The following MDGA2 variants were observed in gnomAD, a reference collection of about 807,000 sequenced individuals.
The protein encoded by MDGA2 is MAM domain containing glycosylphosphatidylinositol anchor 2, also known as MAM domain-containing glycosylphosphatidylinositol anchor protein 2.
A neutral mutation model predicts 117.8 loss-of-function variants in MDGA2; 40 were observed. That is an observed-to-expected ratio of 0.34 (90% CI 0.26 to 0.44). MDGA2 has a LOEUF of 0.44. MDGA2 is among the 20% of genes least tolerant of loss of function. The pLI, the probability that MDGA2 is intolerant of heterozygous loss-of-function variation, is 1.00. For synonymous variants in MDGA2, 452 were observed against 439.0 expected, an observed-to-expected ratio of 1.03 and a Z score of -0.37; for missense variants, 1,123 against 1,250.6, an observed-to-expected ratio of 0.90 and a Z score of 1.54.
At chr14:47,378,243 C>G (rs952421148) in intron 1 of MDGA2, among the ~76,000 whole-genome samples, 2 of 152,132 alleles carry the variant, frequency 1.3e-5, no homozygotes, top group Admixed American at 1.3e-4. Flanking sequence ...GTAGATAAAA[C>G]CACAAAGATG....
intron 8 of MDGA2, among the ~76,000 whole-genome samples, chr14:47,002,507 C>T (rs1482002221): frequency 6.6e-6 from 1 of 151,996 alleles, no homozygotes. Context: ...GTGGGTGGAT[C>T]ACCTGAGGTC....
At chr14:47,637,072 TG>T (rs1168349013) in intron 1 of MDGA2, among the ~76,000 whole-genome samples, 1 of 152,196 alleles carries the variant, frequency 6.6e-6, no homozygotes, top group Non-Finnish European at 1.5e-5. Context: ...ATAATAAATA[TG>T]TACACCCCTT....
At chr14:47,256,786 C>A (rs1232845723) in intron 2 of MDGA2, among the ~76,000 whole-genome samples, 1 of 136,338 alleles carries the variant, frequency 7.3e-6, no homozygotes, top group African/African-American at 2.8e-5. Flanking sequence ...AAAATTAGAG[C>A]CAGAAAGAAA....
intron 1 of MDGA2, among the ~76,000 whole-genome samples, chr14:47,525,879 C>G (rs1894963898): frequency 6.6e-6 from 1 of 151,846 alleles, no homozygotes; most frequent in South Asian, 2.1e-4. Context: ...GATTCTGTCC[C>G]ATTCTCTTGC....
chr14:46,900,657 A>G (rs1883249569), intron 10 of MDGA2, among the ~76,000 whole-genome samples: 1 of 152,196 alleles, frequency 6.6e-6, no homozygotes, highest in Non-Finnish European at 1.5e-5. Flanking sequence ...GTGAAATAAT[A>G]TAATTATAGG....
intron 1 of MDGA2, among the ~76,000 whole-genome samples, chr14:47,359,783 A>G (rs946486624): frequency 2.0e-5 from 3 of 151,228 alleles, no homozygotes; most frequent in African/African-American, 7.3e-5. Context: ...AAAAAAAAAC[A>G]TGATGAAAGA....
In MDGA2 at chr14:47,027,627, T is replaced by TTATATATA. The variant is rs145057227; in HGVS notation, c.1819+7376_1819+7383dup. On this transcript the variant is annotated intron_variant, in intron 8 of 16. Coordinates refer to ENST00000399232, the MANE Select transcript of MDGA2 (RefSeq NM_001113498.3). ...TTGCTCTATCTGAAGATATTATATA[T>TTATATATA]TATATATATATATATATGCAATGCA... Among the ~76,000 whole-genome samples the TTATATATA allele has an allele frequency of 6.6e-3, 970 of 145,938 alleles. 12 individuals are homozygous for TTATATATA. The highest frequency in any genetic ancestry group is 0.023 in the African/African-American group (918 of 40,156).
At chr14:47,110,142 TA>T (rs1387444318) in intron 5 of MDGA2, among the ~76,000 whole-genome samples, 10 of 147,286 alleles carry the variant, frequency 6.8e-5, no homozygotes. Context: ...AGCATTTATC[TA>T]TCAAAATGTA....
intron 9 of MDGA2, among the ~76,000 whole-genome samples, chr14:46,948,014 A>C (rs1308647970): frequency 6.6e-6 from 1 of 151,900 alleles, no homozygotes; most frequent in African/African-American, 2.4e-5. Context: ...CATCTTTCAA[A>C]CTACTTATGC....
chr14:47,089,117 G>A (rs1891015230), intron 6 of MDGA2, among the ~76,000 whole-genome samples: 1 of 151,922 alleles, frequency 6.6e-6, no homozygotes, highest in Non-Finnish European at 1.5e-5. Context: ...TAAAAAGAAG[G>A]GATTCCGAAT....
intron 9 of MDGA2, among the ~76,000 whole-genome samples, chr14:46,925,889 G>A (rs975734258): frequency 1.3e-5 from 2 of 152,082 alleles, no homozygotes; most frequent in African/African-American, 4.8e-5. Flanking sequence ...AATAAAGCAT[G>A]TCCTTAGGTG....
rs1165757386 is a variant in MDGA2, at chr14:47,175,340, C to T, written c.596-31066G>A. 1.5e-4 allele frequency among the ~76,000 whole-genome samples: 22 copies of T among 151,592 alleles called. 1 individual carries two copies. In the East Asian group the frequency reaches 4.3e-3, roughly 29 times the overall value. ...CTGATACCAAAGCCGGGCAGAGACA[C>T]AACCAAAAAAGAGAATTTTAGACCA... On this transcript the variant is annotated intron_variant, in intron 3 of 16. Coordinates refer to ENST00000399232, the MANE Select transcript of MDGA2 (RefSeq NM_001113498.3).
intron 1 of MDGA2, among the ~76,000 whole-genome samples, chr14:47,332,573 A>G (rs1890324327): frequency 6.6e-6 from 1 of 151,978 alleles, no homozygotes. Flanking sequence ...ATTCAAAACT[A>G]AACACTAAGT....
At chr14:47,540,415 CCTG>C (rs1355022083) in intron 1 of MDGA2, among the ~76,000 whole-genome samples, 3 of 151,828 alleles carry the variant, frequency 2.0e-5, no homozygotes, top group Admixed American at 6.6e-5. Context: ...TGTCCCCTTT[CCTG>C]CTTTTTCTCT....
chr14:47,606,256 GC>G (rs1270790924), intron 1 of MDGA2, among the ~76,000 whole-genome samples: 4 of 152,106 alleles, frequency 2.6e-5, no homozygotes, highest in Non-Finnish European at 5.9e-5. Context: ...TATAGAAAGT[GC>G]AAAGTTGATC....
At chr14:47,436,029 A>G (rs533695836) in intron 1 of MDGA2, among the ~76,000 whole-genome samples, 120 of 152,044 alleles carry the variant, frequency 7.9e-4, no homozygotes, top group Non-Finnish European at 1.3e-3. Flanking sequence ...GGCCATCCTT[A>G]TGACTAAATG....
intron 8 of MDGA2, among the ~76,000 whole-genome samples, chr14:47,009,018 A>G (rs574055900): frequency 6.6e-6 from 1 of 152,108 alleles, no homozygotes. Flanking sequence ...TGCCCAACTC[A>G]TAAATAAAAT....
chr14:47,361,979 T>C (rs1238720351), intron 1 of MDGA2, among the ~76,000 whole-genome samples: 2 of 152,192 alleles, frequency 1.3e-5, no homozygotes, highest in Admixed American at 1.3e-4. Flanking sequence ...ATGGAAATGA[T>C]AGTGGGTTTT....
Position 47,427,618 on chromosome 14 carries a change from TAA to T in MDGA2, c.281-126070_281-126069del, listed in dbSNP as rs1892717654. Among the ~76,000 whole-genome samples the T allele has an allele frequency of 5.9e-5, 9 of 152,232 alleles. No homozygotes were observed. In the South Asian group the frequency reaches 1.9e-3, roughly 32 times the overall value. The stretch of plus-strand genomic sequence containing the variant: ...GAAGCAAGAATTAATTGCAACTGAG[TAA>T]TTGTCACCAGGTTGTGTGGTGGGAG... On this transcript the variant is annotated intron_variant, in intron 1 of 16. Transcript: ENST00000399232.
Sources: allele counts gnomAD v4.1 joint callset (sites outside exome capture counted in the v4.1 genomes callset), GRCh38; gene constraint gnomAD v4.1.1; transcripts MANE v1.5; gene names NCBI Gene and HGNC (gene_info 2026-07-23, HGNC 2026-07-21).